Variants in RBFOX3 observed in about 807,000 individuals in gnomAD.
The protein encoded by RBFOX3 is RNA binding fox-1 homolog 3.
Under a neutral mutation model 48.7 loss-of-function variants are expected in RBFOX3, and 17 were observed. The ratio of observed to expected loss-of-function variants is 0.35; its 90% CI spans 0.24 to 0.52. The LOEUF is 0.52. Among genes scored for constraint, RBFOX3 ranks in the 20% least tolerant of loss-of-function variants. The pLI is 0.94. For missense variants in RBFOX3, 382 were observed against 497.5 expected (o/e 0.77, Z 2.21); for synonymous variants, 212 against 209.5 (o/e 1.01, Z -0.10).
At chr17:79,336,714 TG>T (rs1437859765) in intron 2 of RBFOX3, among the ~76,000 whole-genome samples, 4 of 151,980 alleles carry the variant, frequency 2.6e-5, no homozygotes, top group Admixed American at 2.6e-4. Flanking sequence ...AACAGGGGGG[TG>T]GCTCTGAACC....
intron 3 of RBFOX3, among the ~76,000 whole-genome samples, chr17:79,301,212 T>G (rs1876492675): frequency 6.6e-6 from 1 of 152,294 alleles, no homozygotes; most frequent in East Asian, 1.9e-4. Flanking sequence ...ACTTTCTGGG[T>G]CCCAGCCCTT....
chr17:79,113,716 G>T (rs780145359), intron 5 of RBFOX3, among the ~76,000 whole-genome samples: 1 of 152,184 alleles, frequency 6.6e-6, no homozygotes, highest in Non-Finnish European at 1.5e-5. Flanking sequence ...GGCCTCTCAC[G>T]GGCAAGCCAG....
At chr17:79,583,303 C>T (rs36182686) in intron 1 of RBFOX3, among the ~76,000 whole-genome samples, 75,801 of 152,012 alleles carry the variant, frequency 0.5, 21,112 homozygotes, top group South Asian at 0.67. Context: ...CACTTTCATT[C>T]ACTGGTCTCT....
intron 4 of RBFOX3, among the ~76,000 whole-genome samples, chr17:79,135,832 G>A (rs2040058482): frequency 6.6e-6 from 1 of 152,294 alleles, no homozygotes; most frequent in South Asian, 2.1e-4. Context: ...GGGGACACAC[G>A]AGGTCACAGA....
chr17:79,244,696 G>GCCTTCCCTTCTCCCTTC (rs58796548), intron 3 of RBFOX3, among the ~76,000 whole-genome samples: 2 of 148,474 alleles, frequency 1.3e-5, no homozygotes, highest in African/African-American at 5.0e-5. Context: ...CCCTCCTAGA[G>GCCTTCCCTTCTCCCTTC]CCTTCCCTTC....
intron 4 of RBFOX3, among the ~76,000 whole-genome samples, chr17:79,150,359 T>C (rs2044149614): frequency 6.6e-6 from 1 of 151,994 alleles, no homozygotes; most frequent in Admixed American, 6.6e-5. Context: ...ACGCAGACAG[T>C]AGAGGCCTGG....
At position 79,252,954 on chromosome 17, in the gene RBFOX3, G is replaced by A. The variant is rs61077568; in HGVS notation, c.-73-17149C>T. Among the ~76,000 whole-genome samples the A allele has an allele frequency of 0.041, 6,183 of 151,686 alleles. 143 individuals are homozygous for A. Among genetic ancestry groups the A allele is most frequent in the East Asian group, 0.12 (608 of 5,134 alleles). ...CCCTAAACCCGCAGCCTTCTTTGCC[G>A]TCTACACTCAGCAAAGTCAAGTCCC... On this transcript the variant is annotated intron_variant, in intron 3 of 14. Transcript: ENST00000693108. The surrounding 1 kb of genome is among the most constrained non-coding windows in gnomAD (Gnocchi z 4.0).
chr17:79,244,425 GTA>G (rs1355677149), intron 3 of RBFOX3, among the ~76,000 whole-genome samples: 5 of 152,230 alleles, frequency 3.3e-5, no homozygotes, highest in African/African-American at 1.2e-4. Flanking sequence ...AACTTCTGTT[GTA>G]TGAAGCCTCC....
intron 3 of RBFOX3, among the ~76,000 whole-genome samples, chr17:79,273,148 TG>T (rs138716284): frequency 0.022 from 3,417 of 152,094 alleles, 40 homozygotes; most frequent in Non-Finnish European, 0.031. Flanking sequence ...GGTGGACGGG[TG>T]GCACTGCCCT....
At chr17:79,135,106 C>A (rs1599599449) in intron 4 of RBFOX3, 1 of 152,280 alleles carries the variant, frequency 6.6e-6, no homozygotes. Flanking sequence ...ACCACCTGGT[C>A]TAGAACCCTG....
intron 1 of RBFOX3, among the ~76,000 whole-genome samples, chr17:79,591,547 G>A (rs1192712545): frequency 1.3e-5 from 2 of 152,210 alleles, no homozygotes; most frequent in Non-Finnish European, 2.9e-5. Context: ...CCCAGCAGAA[G>A]GTGGCGGCCA....
chr17:79,511,881 A>G (rs1156917663), intron 1 of RBFOX3, among the ~76,000 whole-genome samples: 127 of 85,056 alleles, frequency 1.5e-3, no homozygotes, highest in Middle Eastern at 0.012. Context: ...GCAGATACAT[A>G]TTACCATCGG....
chr17:79,429,711 C>T (rs2068063029), intron 2 of RBFOX3, among the ~76,000 whole-genome samples: 1 of 152,122 alleles, frequency 6.6e-6, no homozygotes, highest in Non-Finnish European at 1.5e-5. Context: ...TTACAGAAGA[C>T]AAAACCGAGG....
chr17:79,506,760 C>T (rs1273677720), intron 1 of RBFOX3, among the ~76,000 whole-genome samples: 2 of 152,130 alleles, frequency 1.3e-5, no homozygotes, highest in African/African-American at 2.4e-5. Flanking sequence ...ACCAAAGCAC[C>T]GAGGAGAAAC....
chr17:79,658,137 A>G, the RBFOX3 span, among the ~76,000 whole-genome samples: 1 of 152,150 alleles, frequency 6.6e-6, no homozygotes, highest in African/African-American at 2.4e-5. Flanking sequence ...TTGCTACTAT[A>G]AAAGGGAAGG....
chr17:79,226,306 G>A (rs551290611), intron 4 of RBFOX3, among the ~76,000 whole-genome samples: 1 of 152,190 alleles, frequency 6.6e-6, no homozygotes, highest in South Asian at 2.1e-4. Context: ...CAGAGGAGGA[G>A]TGCAGCCCAA....
At chr17:79,459,019 C>T (rs1010058755) in intron 2 of RBFOX3, among the ~76,000 whole-genome samples, 14 of 152,288 alleles carry the variant, frequency 9.2e-5, no homozygotes, top group Non-Finnish European at 1.6e-4. Flanking sequence ...GTGCCCACTT[C>T]GTCCTTCTCA....
intron 1 of RBFOX3, among the ~76,000 whole-genome samples, chr17:79,514,028 G>A (rs1176501449): frequency 6.6e-6 from 1 of 152,226 alleles, no homozygotes; most frequent in Non-Finnish European, 1.5e-5. Flanking sequence ...TCCAGGGGCA[G>A]GCACGTGACC....
intron 4 of RBFOX3, among the ~76,000 whole-genome samples, chr17:79,124,981 C>T (rs1016872784): frequency 2.6e-5 from 4 of 152,168 alleles, no homozygotes; most frequent in Non-Finnish European, 4.4e-5. Flanking sequence ...TTCCTCCACG[C>T]GCTCCTCCGG....
Sources: allele counts gnomAD v4.1 joint callset (sites outside exome capture counted in the v4.1 genomes callset), GRCh38; gene constraint gnomAD v4.1.1; non-coding constraint Gnocchi (gnomAD v3.1); transcripts MANE v1.5; gene names NCBI Gene and HGNC (gene_info 2026-07-23, HGNC 2026-07-21).